Variants in HSD17B2 observed in about 807,000 individuals in gnomAD.
HSD17B2 encodes hydroxysteroid 17-beta dehydrogenase 2.
In HSD17B2, 32 loss-of-function variants were observed where a neutral mutation model predicts 26.9. That is an observed-to-expected ratio of 1.19 (90% CI 0.90 to 1.60). The LOEUF (loss-of-function observed/expected upper bound fraction) is 1.60, where lower values mean the gene tolerates loss of function less well. Among genes scored for constraint, HSD17B2 ranks in the 40% most tolerant of loss-of-function variants. The pLI is 0.00. For missense variants in HSD17B2, 613 were observed against 468.6 expected (o/e 1.31, Z -2.85); for synonymous variants, 246 against 186.7 (o/e 1.32, Z -2.59).
At chr16:82,075,028 G>C (rs1162725347) in intron 3 of HSD17B2, among the ~76,000 whole-genome samples, 1 of 151,872 alleles carries the variant, frequency 6.6e-6, no homozygotes, top group Non-Finnish European at 1.5e-5. Flanking sequence ...ACCAAAACTA[G>C]AAATAAAAGA....
chr16:82,060,765 A>G (rs1914415326), intron 1 of HSD17B2, among the ~76,000 whole-genome samples: 1 of 152,172 alleles, frequency 6.6e-6, no homozygotes, highest in South Asian at 2.1e-4. Context: ...GTAGTTGAAG[A>G]CATCATTGGC....
At chr16:82,042,217 C>A (rs1216242740) in intron 1 of HSD17B2, among the ~76,000 whole-genome samples, 1 of 151,664 alleles carries the variant, frequency 6.6e-6, no homozygotes, top group Non-Finnish European at 1.5e-5. Context: ...TTTGACCAGG[C>A]TGGGCTTGAA....
intron 1 of HSD17B2, among the ~76,000 whole-genome samples, chr16:82,041,350 C>T (rs1036848171): frequency 1.3e-5 from 2 of 152,230 alleles, no homozygotes; most frequent in Non-Finnish European, 2.9e-5. Flanking sequence ...TCTGCCCACT[C>T]ACTTAGGTAC....
chr16:82,047,429 T>G (rs1212982181), intron 1 of HSD17B2, among the ~76,000 whole-genome samples: 1 of 152,238 alleles, frequency 6.6e-6, no homozygotes, highest in Admixed American at 6.5e-5. Flanking sequence ...CAACACTTAT[T>G]GAGCAACTCT....
rs1202759006 is a variant in HSD17B2 at position 82,091,188 on chromosome 16, A to G, written c.802+149A>G. On this transcript the variant is annotated intron_variant, in intron 4 of 4. Transcript: ENST00000199936. ...AGTTAAAGGGGTGAAAACAGGTTTGATTCAGTAACTGCTGACAGTAGGGGA... is the reference window on the plus strand; with the variant it reads ...AGTTAAAGGGGTGAAAACAGGTTTGGTTCAGTAACTGCTGACAGTAGGGGA... The G allele has an allele frequency of 5.0e-6, 4 of 799,566 alleles. No individual in the cohort carries two copies. In the African/African-American group the frequency reaches 5.0e-5, roughly 10 times the overall value. The allele number at this position is 799,566 out of a possible 1,614,324, so 49.5% of individuals were successfully genotyped here. A position where few individuals can be genotyped will look rare whatever the true frequency, so the allele number is the denominator to read the frequency against.
chr16:82,051,961 C>T (rs767311714), intron 1 of HSD17B2, among the ~76,000 whole-genome samples: 2 of 152,248 alleles, frequency 1.3e-5, no homozygotes, highest in African/African-American at 4.8e-5. Flanking sequence ...GTGCCCTTGG[C>T]ACCTGGTGCA....
chr16:82,097,644 A>G (rs1365646792), intron 4 of HSD17B2: 1 of 152,960 alleles, frequency 6.5e-6, no homozygotes, highest in Non-Finnish European at 1.5e-5. Context: ...ACACATTTTA[A>G]AAGGCGTTTG....
chr16:82,065,494 T>C (rs746284115), intron 1 of HSD17B2, among the ~76,000 whole-genome samples: 2 of 152,202 alleles, frequency 1.3e-5, no homozygotes, highest in Non-Finnish European at 2.9e-5. Flanking sequence ...GGCCCCCATA[T>C]ATCTAGCTGT....
chr16:82,081,007 TC>T (rs1274655231), intron 3 of HSD17B2, among the ~76,000 whole-genome samples: 2 of 151,970 alleles, frequency 1.3e-5, no homozygotes, highest in Non-Finnish European at 2.9e-5. Flanking sequence ...TCTGGTTACT[TC>T]CCCCTCCCTG....
At chr16:82,057,009 C>T (rs1235686871) in intron 1 of HSD17B2, among the ~76,000 whole-genome samples, 2 of 152,076 alleles carry the variant, frequency 1.3e-5, no homozygotes, top group East Asian at 3.9e-4. Context: ...GTTAGAGCAA[C>T]ACAACAAAGT....
rs745769126 is a variant in HSD17B2 at position 82,068,364 on chromosome 16, G to A, written c.460G>A (p.Ala154Thr). 7 of 1,612,466 alleles carry A rather than the reference G, an allele frequency of 4.3e-6. No individual in the cohort carries two copies. The East Asian group carries it at 1.1e-4, about 26-fold the overall frequency. Residue 154 changes from alanine (A) to threonine (T), a missense_variant, in exon 2 of 5, where the codon GCA becomes ACA. By Grantham distance (58) the Ala-to-Thr change is moderately conservative (BLOSUM62 0). Coordinates refer to ENST00000199936, the MANE Select transcript of HSD17B2 (RefSeq NM_002153.3). ...QIKDAYSKVA[A>T]MLQDRGLWAV... ...AAAAGATGCTTACAGCAAGGTTGCA[G>A]CAATGCTGCAGGACAGAGGTACTGC... is the stretch of plus-strand genomic sequence containing the variant.
At chr16:82,045,143 A>AG (rs1913886193) in intron 1 of HSD17B2, among the ~76,000 whole-genome samples, 1 of 148,082 alleles carries the variant, frequency 6.8e-6, no homozygotes, top group African/African-American at 2.5e-5. Context: ...AAAAAAAAAA[A>AG]GAGAGAAAAA....
intron 1 of HSD17B2, among the ~76,000 whole-genome samples, chr16:82,039,260 C>A (rs1913702523): frequency 6.6e-6 from 1 of 151,500 alleles, no homozygotes; most frequent in Non-Finnish European, 1.5e-5. Context: ...CACACACACA[C>A]ACACACACAC....
intron 1 of HSD17B2, among the ~76,000 whole-genome samples, chr16:82,065,372 T>C (rs1914546805): frequency 6.6e-6 from 1 of 152,130 alleles, no homozygotes; most frequent in Admixed American, 6.6e-5. Context: ...GTCAAGGTCA[T>C]GGTGTTTGTC....
At position 82,043,436 on chromosome 16, in the gene HSD17B2, G is replaced by A. The variant is rs1913822858; in HGVS notation, c.265+7747G>A. On this transcript the variant is annotated intron_variant, in intron 1 of 4. Transcript: ENST00000199936. ...GCGGTGGCTCATGCCTGTAATCCCA[G>A]CACTTTGGGAGGCCGAGGCGGGCGG... is the stretch of plus-strand genomic sequence containing the variant. Among the ~76,000 whole-genome samples, 3 of 124,406 alleles carry A rather than the reference G, an allele frequency of 2.4e-5. 1 individual carries two copies. Among genetic ancestry groups the A allele is most frequent in the African/African-American group, 1.3e-4 (2 of 15,806 alleles). The allele number at this position is 124,406 out of a possible 152,430, so 81.6% of individuals were successfully genotyped here. A position where few individuals can be genotyped will look rare whatever the true frequency, so the allele number is the denominator to read the frequency against.
chr16:82,097,766 C>T (rs1904894993), intron 4 of HSD17B2: 1 of 177,340 alleles, frequency 5.6e-6, no homozygotes, highest in Non-Finnish European at 1.2e-5. Context: ...TGGCAAAACC[C>T]CGTGTCTACT....
intron 3 of HSD17B2, among the ~76,000 whole-genome samples, chr16:82,082,625 T>C (rs904414844): frequency 2.0e-5 from 3 of 152,136 alleles, no homozygotes; most frequent in African/African-American, 7.2e-5. Flanking sequence ...CACTTTAGTG[T>C]TTTCATTTTT....
chr16:82,045,624 A>T (rs1913903083), intron 1 of HSD17B2, among the ~76,000 whole-genome samples: 1 of 152,248 alleles, frequency 6.6e-6, no homozygotes, highest in South Asian at 2.1e-4. Context: ...AATGTGCCTC[A>T]TCAGCCTCAT....
chr16:82,051,198 A>G (rs1401749571), intron 1 of HSD17B2, among the ~76,000 whole-genome samples: 1 of 152,174 alleles, frequency 6.6e-6, no homozygotes, highest in South Asian at 2.1e-4. Flanking sequence ...TATCTTGACT[A>G]TTTCATTCAA....
Sources: allele counts gnomAD v4.1 joint callset (sites outside exome capture counted in the v4.1 genomes callset), GRCh38; gene constraint gnomAD v4.1.1; transcripts MANE v1.5; gene names NCBI Gene and HGNC (gene_info 2026-07-23, HGNC 2026-07-21).